The following ATP2A3 variants were observed in gnomAD, a reference collection of about 807,000 sequenced individuals.
The protein encoded by ATP2A3 is ATPase sarcoplasmic/endoplasmic reticulum Ca2+ transporting 3.
ATP2A3 carries 61 observed loss-of-function variants against 106.8 expected under a neutral mutation model. The observed-to-expected ratio is 0.57, with a 90% confidence interval of 0.46 to 0.71. The LOEUF is 0.71. ATP2A3 is among the 30% of genes least tolerant of loss of function. The pLI is 0.00. For synonymous variants in ATP2A3, 611 were observed against 609.3 expected, an observed-to-expected ratio of 1.00 and a Z score of -0.04; for missense variants, 1,201 against 1,423.5, an observed-to-expected ratio of 0.84 and a Z score of 2.52.
rs1203533968 is a variant in ATP2A3, at chr17:3,929,649, C to A, written c.2745-204G>T. On this transcript the variant is annotated intron_variant, in intron 18 of 20. Transcript: ENST00000397041. The surrounding 1 kb of genome is among the most constrained non-coding windows in gnomAD (Gnocchi z 4.3). ...CGATTTCTTTGGACCCCAGTTTCAG[C>A]CTTCTTTGTCTCCTGGGCCCCAATT... 6.6e-6 allele frequency among the ~76,000 whole-genome samples: 1 copy of A among 152,142 alleles called. No individual in the cohort carries two copies. The highest frequency in any genetic ancestry group is 2.4e-5 in the African/African-American group (1 of 41,422).
rs1043246 is a variant in ATP2A3 at position 3,924,792 on chromosome 17, C to T, written c.*630G>A. On this transcript the variant is annotated 3_prime_UTR_variant, in exon 21 of 21. Coordinates refer to ENST00000397041, the MANE Select transcript of ATP2A3 (RefSeq NM_005173.4). The surrounding 1 kb of genome is among the most constrained non-coding windows in gnomAD (Gnocchi z 6.4). ...GTGTCCGTCTCTCTGACCCTTCACCCGCCCGGGCCCTGCACATATAAACAG... is the reference window on the plus strand; with the variant it reads ...GTGTCCGTCTCTCTGACCCTTCACCTGCCCGGGCCCTGCACATATAAACAG... 2.2e-5 allele frequency: 10 copies of T among 456,474 alleles called. No homozygotes were observed. Among genetic ancestry groups the T allele is most frequent in the East Asian group, 7.0e-5 (1 of 14,378 alleles). The allele number at this position is 456,474 out of a possible 1,614,324, so 28.3% of individuals were successfully genotyped here.
chr17:3,944,578 C>G lies in ATP2A3; in HGVS notation c.1287+126G>C, dbSNP rs1034883932. On this transcript the variant is annotated intron_variant, in intron 10 of 20. Coordinates refer to ENST00000397041, the MANE Select transcript of ATP2A3 (RefSeq NM_005173.4). Reference sequence around the variant, plus strand: ...GCAGAGAGGGGTGTGCAGGGGTAACCGTGCTCCCTGGGTGTGGCACTTCCA... The same window carrying G: ...GCAGAGAGGGGTGTGCAGGGGTAACGGTGCTCCCTGGGTGTGGCACTTCCA... The G allele has an allele frequency of 4.3e-6, 4 of 936,840 alleles. No individual in the cohort carries two copies. The Admixed American group carries it at 6.0e-5, about 14-fold the overall frequency. The allele number at this position is 936,840 out of a possible 1,614,324, so 58.0% of individuals were successfully genotyped here.
chr17:3,937,056 C>A, intron 15 of ATP2A3: 1 of 380,392 alleles, frequency 2.6e-6, no homozygotes, highest in Admixed American at 3.8e-5. Context: ...GGCACTCAGG[C>A]CATGTGCACA....
At chr17:3,959,154 T>G (rs1698921512) in intron 1 of ATP2A3, among the ~76,000 whole-genome samples, 2 of 152,052 alleles carry the variant, frequency 1.3e-5, no homozygotes, top group South Asian at 4.1e-4. Context: ...CACCTCGGCC[T>G]CCCAAGGTGC....
rs2053480710 is a variant in ATP2A3, at chr17:3,936,927, A to G, written c.2322-458T>C. 9.2e-6 allele frequency: 3 copies of G among 325,806 alleles called. No individual in the cohort carries two copies. Among genetic ancestry groups the G allele is most frequent in the Admixed American group, 8.7e-5 (2 of 22,958 alleles). The allele number at this position is 325,806 out of a possible 1,614,324, so 20.2% of individuals were successfully genotyped here. ...CACCATTCCCCACAGGCATCCTCACATGTGAATACGAGTGTGTGCACAGTC... is the reference window on the plus strand; with the variant it reads ...CACCATTCCCCACAGGCATCCTCACGTGTGAATACGAGTGTGTGCACAGTC... On this transcript the variant is annotated intron_variant, in intron 15 of 20. Coordinates refer to ENST00000397041, the MANE Select transcript of ATP2A3 (RefSeq NM_005173.4). The surrounding 1 kb of genome is among the most constrained non-coding windows in gnomAD (Gnocchi z 5.4).
In ATP2A3 at chr17:3,955,882, AT is replaced by A. The variant is rs1242154310; in HGVS notation, c.119-2173del. On this transcript the variant is annotated intron_variant, in intron 1 of 20. Coordinates refer to ENST00000397041, the MANE Select transcript of ATP2A3 (RefSeq NM_005173.4). The surrounding 1 kb of genome is among the most constrained non-coding windows in gnomAD (Gnocchi z 4.2). ...GTTCTCCTTTCTCTTATTTTATTTTATTTTATTTTTTTTTTTTGAGATGGAG... is the reference window on the plus strand; with the variant it reads ...GTTCTCCTTTCTCTTATTTTATTTTATTTATTTTTTTTTTTTGAGATGGAG... 8.0e-4 allele frequency among the ~76,000 whole-genome samples: 115 copies of A among 142,878 alleles called. No homozygotes were observed. The highest frequency in any genetic ancestry group is 2.8e-3 in the African/African-American group (108 of 39,044). The allele number at this position is 142,878 out of a possible 152,430, so 93.7% of individuals were successfully genotyped here. A position where few individuals can be genotyped will look rare whatever the true frequency, so the allele number is the denominator to read the frequency against.
At chr17:3,959,318 T>C (rs2055005457) in intron 1 of ATP2A3, among the ~76,000 whole-genome samples, 1 of 152,202 alleles carries the variant, frequency 6.6e-6, no homozygotes, top group African/African-American at 2.4e-5. Flanking sequence ...CTCATCGCTG[T>C]GCCCTTCTCT....
chr17:3,942,729 G>T lies in ATP2A3; in HGVS notation c.1422C>A (p.Val474=). 6.2e-7 allele frequency: 1 copy of T among 1,612,886 alleles called. No individual in the cohort carries two copies. Among genetic ancestry groups the T allele is most frequent in the Non-Finnish European group, 8.5e-7 (1 of 1,179,848 alleles). ...RVERAGACNT[V]IKQLMRKEFT... is the part of the protein sequence containing the mutation. The stretch of plus-strand genomic sequence containing the variant: ...ACTCCTTCCGCATCAGCTGCTTGAT[G>T]ACCTGCGGGGTCCAGGCAGGTCAGG... The change falls in exon 12 of 21, where the codon GTC becomes GTA. Residue 474 remains valine, a splice_region_variant and synonymous_variant. Transcript: ENST00000397041.
chr17:3,961,533 TG>T (rs2055137294), intron 1 of ATP2A3, among the ~76,000 whole-genome samples: 1 of 135,846 alleles, frequency 7.4e-6, no homozygotes, highest in African/African-American at 2.7e-5. Flanking sequence ...AAGGTGGGGG[TG>T]GGATGCCCAG....
chr17:3,936,313 T>G lies in ATP2A3; in HGVS notation c.2478A>C (p.Glu826Asp). Residue 826 changes from glutamate (E) to aspartate (D), a missense_variant, in exon 16 of 21, where the codon GAA (glutamate) becomes GAC (aspartate). Transcript: ENST00000397041. This position sits in a 1 kb window ranked among gnomAD's most constrained non-coding sequence, Gnocchi z 5.4. ...AGAAGAGCCAGCCACTGATGAGGGC[T>G]TCTCGGGGGCTCCGGGGCAGCTTCT... is the stretch of plus-strand genomic sequence containing the variant. ...IMEKLPRSPR[E>D]ALISGWLFFR... The G allele has an allele frequency of 6.2e-7, 1 of 1,613,994 alleles. No individual in the cohort carries two copies. The highest frequency in any genetic ancestry group is 2.2e-5 in the East Asian group (1 of 44,872).
At chr17:3,960,763 G>A (rs891971026) in intron 1 of ATP2A3, among the ~76,000 whole-genome samples, 2 of 152,190 alleles carry the variant, frequency 1.3e-5, no homozygotes, top group Non-Finnish European at 1.5e-5. Flanking sequence ...AGAACCAGCC[G>A]TTCAGTCGGC....
In ATP2A3 at chr17:3,930,452, G is replaced by A. The variant is rs1454070344; in HGVS notation, c.2611-18C>T. On this transcript the variant is annotated intron_variant, in intron 17 of 20. Coordinates refer to ENST00000397041, the MANE Select transcript of ATP2A3 (RefSeq NM_005173.4). The surrounding 1 kb of genome is among the most constrained non-coding windows in gnomAD (Gnocchi z 5.4). ...AAGTTCCTCTGGGGGCACCGTGGCA[G>A]GTCAGAGAGAGCGGCAGGTCAGGCG... is the stretch of plus-strand genomic sequence containing the variant. The A allele has an allele frequency of 9.3e-6, 15 of 1,613,408 alleles. No individual in the cohort carries two copies. The highest frequency in any genetic ancestry group is 1.3e-5 in the Non-Finnish European group (15 of 1,179,972).
Position 3,937,405 on chromosome 17 carries a change from C to G in ATP2A3, c.2321+11G>C, listed in dbSNP as rs1033860600. Reference sequence around the variant, plus strand: ...TTGAGAGGGCTGAGAGGAGGGAAGGCCCGGCCTCACCAGACGACCTCGCCA... The same window carrying G: ...TTGAGAGGGCTGAGAGGAGGGAAGGGCCGGCCTCACCAGACGACCTCGCCA... On this transcript the variant is annotated intron_variant, in intron 15 of 20. Transcript: ENST00000397041. 3.8e-5 allele frequency: 61 copies of G among 1,611,418 alleles called. No homozygotes were observed. The highest frequency in any genetic ancestry group is 4.8e-5 in the Non-Finnish European group (57 of 1,178,542).
At chr17:3,950,978 C>A (rs2054384840) in intron 5 of ATP2A3, among the ~76,000 whole-genome samples, 1 of 151,572 alleles carries the variant, frequency 6.6e-6, no homozygotes, top group African/African-American at 2.4e-5. Context: ...CCGACAGCCA[C>A]CCCCTCTGTA....
intron 1 of ATP2A3, among the ~76,000 whole-genome samples, chr17:3,962,160 G>A (rs187474654): frequency 3.4e-4 from 52 of 152,294 alleles, no homozygotes; most frequent in African/African-American, 1.1e-3. Context: ...TAGCACAGAC[G>A]CCCACACCAG....
intron 1 of ATP2A3, among the ~76,000 whole-genome samples, chr17:3,956,861 G>C (rs1179754443): frequency 6.6e-6 from 1 of 152,202 alleles, no homozygotes; most frequent in Non-Finnish European, 1.5e-5. Context: ...CCCACCTGGG[G>C]AGGCCTGACC....
At chr17:3,956,411 CT>C (rs1184752694) in intron 1 of ATP2A3, among the ~76,000 whole-genome samples, 1 of 152,096 alleles carries the variant, frequency 6.6e-6, no homozygotes, top group Admixed American at 6.6e-5. Flanking sequence ...TGGTGGGGGA[CT>C]TTCTAGGAGG....
At position 3,950,543 on chromosome 17, in the gene ATP2A3, C is replaced by T; in HGVS notation, c.598G>A (p.Val200Met). The change falls in exon 7 of 21, where the codon GTG (valine) becomes ATG (methionine). Residue 200 changes from valine to methionine, a missense_variant. Transcript: ENST00000397041. ...HTEAIPDPRAVNQDKKNMLFS... is the reference protein window; with the variant it reads ...HTEAIPDPRAMNQDKKNMLFS... ...AGCATGTTCTTCTTGTCCTGGTTCA[C>T]AGCTCTGGGGTCTGGGATGGCCTCT... The T allele has an allele frequency of 6.2e-7, 1 of 1,614,162 alleles. No homozygotes were observed.
In ATP2A3 at chr17:3,940,963, G is replaced by C; in HGVS notation, c.2100+8C>G. ...ACCCCCTCCTGGGGCTCCAGGCTGT[G>C]GCCTCACCATAGCAGTGATCTCGTT... On this transcript the variant is annotated splice_region_variant and intron_variant, in intron 14 of 20. Coordinates refer to ENST00000397041, the MANE Select transcript of ATP2A3 (RefSeq NM_005173.4). 6.2e-7 allele frequency: 1 copy of C among 1,613,880 alleles called. No individual in the cohort carries two copies. Among genetic ancestry groups the C allele is most frequent in the South Asian group, 1.1e-5 (1 of 91,074 alleles).
Sources: gnomAD v4.1 joint callset for allele counts (sites outside exome capture counted in the v4.1 genomes callset) on GRCh38, gnomAD v4.1.1 for gene constraint, Gnocchi (gnomAD v3.1) non-coding constraint, MANE v1.5 for transcripts, NCBI Gene and HGNC (gene_info 2026-07-23, HGNC 2026-07-21) for gene names.